Variants in BLTP1 observed in about 807,000 individuals in gnomAD.
BLTP1 encodes the protein bridge-like lipid transfer protein family member 1.
At chr4:122,305,045 C>A in the BLTP1 span, 1 of 1,443,668 alleles carries the variant, frequency 6.9e-7, no homozygotes, top group East Asian at 2.4e-5. Context: ...TCAATTTTAA[C>A]TACTGTAACT....
chr4:122,251,573 A>G, the BLTP1 span: 18 of 984,696 alleles, frequency 1.8e-5, no homozygotes, highest in Non-Finnish European at 2.2e-5. Flanking sequence ...ATAGCTACTC[A>G]CTGGACAAAA....
the BLTP1 span, chr4:122,255,926 AT>A: frequency 7.2e-6 from 2 of 278,494 alleles, no homozygotes; most frequent in Non-Finnish European, 1.1e-5. Flanking sequence ...AGCTAAAGGT[AT>A]AAAGAGTTTT....
chr4:122,320,000 T>C, the BLTP1 span, among the ~76,000 whole-genome samples: 1 of 152,188 alleles, frequency 6.6e-6, no homozygotes, highest in Non-Finnish European at 1.5e-5. Context: ...ACTGATGATA[T>C]GTTGAGTTCA....
the BLTP1 span, among the ~76,000 whole-genome samples, chr4:122,286,078 C>T: frequency 5.4e-3 from 816 of 152,214 alleles, 10 homozygotes; most frequent in African/African-American, 0.019. Flanking sequence ...TCAGTGAGTA[C>T]AATTTAATTG....
the BLTP1 span, chr4:122,155,984 GTTAATGT>G: frequency 1.0e-6 from 1 of 973,048 alleles, no homozygotes; most frequent in Non-Finnish European, 1.2e-6. Context: ...TTATGCATAT[GTTAATGT>G]TTAATAAATA....
At chr4:122,328,640 A>C in the BLTP1 span, 1 of 982,694 alleles carries the variant, frequency 1.0e-6, no homozygotes, top group African/African-American at 1.8e-5. Flanking sequence ...GGTTACGAGT[A>C]AATTAAAGGA....
the BLTP1 span, chr4:122,272,496 C>A: frequency 1.7e-6 from 2 of 1,157,652 alleles, no homozygotes; most frequent in Non-Finnish European, 1.2e-6. Context: ...TCCAAAATTC[C>A]TAATTGGCAA....
chr4:122,174,676 A>G, the BLTP1 span: 1 of 1,474,616 alleles, frequency 6.8e-7, no homozygotes, highest in South Asian at 1.2e-5. Context: ...AAAATTGAAA[A>G]GGACCCATGT....
the BLTP1 span, chr4:122,299,024 T>A: frequency 5.1e-6 from 5 of 985,262 alleles, no homozygotes; most frequent in African/African-American, 8.7e-5. Flanking sequence ...AGGAAAAGAC[T>A]GAGGGTCAGC....
chr4:122,230,138 T>C, the BLTP1 span: 1 of 1,614,130 alleles, frequency 6.2e-7, no homozygotes. Flanking sequence ...TGATATTGCT[T>C]TAGCTGCTGA....
At chr4:122,174,708 G>A in the BLTP1 span, 3 of 1,258,618 alleles carry the variant, frequency 2.4e-6, no homozygotes, top group Non-Finnish European at 3.4e-6. Flanking sequence ...TAAAAATATT[G>A]TTAAAATGTT....
the BLTP1 span, among the ~76,000 whole-genome samples, chr4:122,248,348 A>G: frequency 6.6e-6 from 1 of 152,096 alleles, no homozygotes; most frequent in African/African-American, 2.4e-5. Flanking sequence ...ATTATCATGC[A>G]GAAAACACTC....
At chr4:122,265,090 G>C in the BLTP1 span, among the ~76,000 whole-genome samples, 3 of 152,076 alleles carry the variant, frequency 2.0e-5, no homozygotes, top group Non-Finnish European at 4.4e-5. Context: ...ATTTTTTCAG[G>C]ATAAAGGTGT....
the BLTP1 span, chr4:122,234,790 C>T: frequency 3.1e-6 from 5 of 1,607,608 alleles, no homozygotes; most frequent in Admixed American, 3.4e-5. Context: ...TTTTTATGGC[C>T]AGATGATATC....
the BLTP1 span, among the ~76,000 whole-genome samples, chr4:122,321,660 T>C: frequency 2.5e-4 from 38 of 152,194 alleles, no homozygotes; most frequent in Middle Eastern, 3.4e-3. Context: ...CCTTCATTTC[T>C]TCTTTAATGC....
chr4:122,194,448 C>T, the BLTP1 span: 1 of 624,614 alleles, frequency 1.6e-6, no homozygotes, highest in Non-Finnish European at 2.0e-6. Context: ...AAATTTTCCT[C>T]TTCTGGTAAA....
the BLTP1 span, chr4:122,169,621 T>C: frequency 9.4e-6 from 9 of 960,342 alleles, no homozygotes; most frequent in Admixed American, 3.1e-4. Flanking sequence ...TTTTTTCTTA[T>C]TGTTGGTACA....
At chr4:122,238,014 A>G in the BLTP1 span, 1 of 1,454,552 alleles carries the variant, frequency 6.9e-7, no homozygotes, top group Non-Finnish European at 9.2e-7. Flanking sequence ...ATACTTAAAA[A>G]TGGATTAGAT....
the BLTP1 span, chr4:122,235,130 G>A: frequency 1.9e-6 from 2 of 1,053,518 alleles, no homozygotes; most frequent in Non-Finnish European, 2.8e-6. Context: ...TACTTTGTGT[G>A]ATGTTATGAG....
Sources: allele counts gnomAD v4.1 joint callset (sites outside exome capture counted in the v4.1 genomes callset), GRCh38; gene constraint gnomAD v4.1.1; transcripts MANE v1.5; gene names NCBI Gene and HGNC (gene_info 2026-07-23, HGNC 2026-07-21).